CKMT1B: variants seen among roughly 807,000 people sequenced by gnomAD.
CKMT1B encodes the protein creatine kinase U-type, mitochondrial.
CKMT1B carries 13 observed loss-of-function variants against 21.8 expected under a neutral mutation model. The observed-to-expected ratio is 0.60, with a 90% CI of 0.39 to 0.95. The LOEUF is 0.95. Ranked by LOEUF, CKMT1B falls within the 40% of genes least tolerant of loss-of-function variation. The pLI, the probability that CKMT1B is intolerant of heterozygous loss-of-function variation, is 0.00. For missense variants in CKMT1B, 157 were observed against 227.5 expected (o/e 0.69, Z 1.99); for synonymous variants, 50 against 80.3 (o/e 0.62, Z 2.02).
At position 43,596,637 on chromosome 15, in the gene CKMT1B, T is replaced by C. The variant is rs979204293; in HGVS notation, c.876+106T>C. 8.3e-6 allele frequency: 13 copies of C among 1,559,826 alleles called. 1 individual carries two copies. Among genetic ancestry groups the C allele is most frequent in the African/African-American group, 5.7e-5 (4 of 69,702 alleles). ...ACCAACCAACCCAGGACATGTCTTA[T>C]AGTAAAAAGGACTATCTAGGACTCA... On this transcript the variant is annotated intron_variant, in intron 6 of 8. Transcript: ENST00000441322.
chr15:43,597,818 G>C (rs986698200), intron 6 of CKMT1B: 1 of 1,120,372 alleles, frequency 8.9e-7, no homozygotes, highest in Non-Finnish European at 1.1e-6. Flanking sequence ...ACCCTTCTAA[G>C]CTCTAGGCTC....
At chr15:43,597,489 T>C (rs920913977) in intron 6 of CKMT1B, 4 of 1,265,474 alleles carry the variant, frequency 3.2e-6, no homozygotes, top group Admixed American at 4.9e-5. Context: ...TTTCCCCCCA[T>C]GTTCAGCATG....
chr15:43,597,535 A>G lies in CKMT1B; in HGVS notation c.877-658A>G, dbSNP rs763906396. ...CCTATGGCATGGTTCCTTCTGAACT[A>G]TAAAGAGGATCCCTTTACTCATGTT... On this transcript the variant is annotated intron_variant, in intron 6 of 8. Coordinates refer to ENST00000441322, the MANE Select transcript of CKMT1B (RefSeq NM_001375484.1). The G allele has an allele frequency of 1.5e-5, 18 of 1,171,880 alleles. 1 individual carries two copies. In the East Asian group the frequency reaches 9.7e-4, roughly 63 times the overall value. The allele number at this position is 1,171,880 out of a possible 1,614,324, so 72.6% of individuals were successfully genotyped here. A position where few individuals can be genotyped will look rare whatever the true frequency, so the allele number is the denominator to read the frequency against.
intron 6 of CKMT1B, among the ~76,000 whole-genome samples, chr15:43,596,792 C>G (rs1304980793): frequency 6.7e-6 from 1 of 149,618 alleles, no homozygotes; most frequent in Non-Finnish European, 1.5e-5. Flanking sequence ...ACAGAGAGTG[C>G]AAAGAAGGAA....
At chr15:43,597,624 C>A in intron 6 of CKMT1B, 2 of 896,476 alleles carry the variant, frequency 2.2e-6, no homozygotes, top group Non-Finnish European at 1.4e-6. Flanking sequence ...TAATAGTCAT[C>A]TTCATGACTA....
chr15:43,598,035 C>G, intron 6 of CKMT1B, 158 bp from the exon 7 acceptor site: 3 of 1,441,922 alleles, frequency 2.1e-6, no homozygotes, highest in Non-Finnish European at 2.8e-6. Flanking sequence ...AAAACAATAA[C>G]AAACCTTTTT....
At position 43,596,461 on chromosome 15, in the gene CKMT1B, G is replaced by T; in HGVS notation, c.806G>T (p.Arg269Leu). 6.3e-7 allele frequency: 1 copy of T among 1,597,080 alleles called. No homozygotes were observed. The highest frequency in any genetic ancestry group is 8.5e-7 in the Non-Finnish European group (1 of 1,173,670). Residue 269 changes from arginine to leucine, a missense_variant, in exon 6 of 9, where the codon CGG becomes CTG. By Grantham distance (102) the Arg-to-Leu change is moderately radical. Coordinates refer to ENST00000441322, the MANE Select transcript of CKMT1B (RefSeq NM_001375484.1). ...LIWVNEEDHT[R>L]VISMEKGGNM... is the part of the protein sequence containing the mutation. Reference sequence around the variant, plus strand: ...TGGGTGAATGAGGAGGATCATACACGGGTGATCTCCATGGAGAAGGGTGGT... The same window carrying T: ...TGGGTGAATGAGGAGGATCATACACTGGTGATCTCCATGGAGAAGGGTGGT...
At chr15:43,596,786 A>G (rs1595951935) in intron 6 of CKMT1B, among the ~76,000 whole-genome samples, 1 of 149,818 alleles carries the variant, frequency 6.7e-6, no homozygotes, top group African/African-American at 2.5e-5. Flanking sequence ...CTGTTGACAG[A>G]GAGTGCAAAG....
At chr15:43,598,094 T>C (rs1254431069) in intron 6 of CKMT1B, 99 bp from the exon 7 acceptor site, 2 of 1,546,184 alleles carry the variant, frequency 1.3e-6, no homozygotes, top group African/African-American at 1.4e-5. Flanking sequence ...GTTTCTGTTC[T>C]AGACATATTT....
chr15:43,596,588 T>G (rs1391670757), intron 6 of CKMT1B, 57 bp downstream of exon 6: 3 of 1,604,850 alleles, frequency 1.9e-6, no homozygotes, highest in Non-Finnish European at 2.5e-6. Context: ...AACCAAAGAG[T>G]AGCATAAATA....
chr15:43,596,624 A>C (rs968688131), intron 6 of CKMT1B, 93 bp downstream of exon 6: 2 of 1,584,680 alleles, frequency 1.3e-6, no homozygotes, highest in African/African-American at 1.4e-5. Flanking sequence ...CAACCAACCC[A>C]GGACATGTCT....
chr15:43,598,797 C>G (rs2085626440), intron 7 of CKMT1B, 30 bp from the exon 8 acceptor site: 1 of 1,590,222 alleles, frequency 6.3e-7, no homozygotes, highest in Non-Finnish European at 8.5e-7. Flanking sequence ...CCTCTATTGA[C>G]CCTGCTCCCA....
At position 43,598,178 on chromosome 15, in the gene CKMT1B, C is replaced by A. The variant is rs1192228643; in HGVS notation, c.877-15C>A. 5 of 1,608,686 alleles carry A rather than the reference C, an allele frequency of 3.1e-6. 1 individual carries two copies. Among genetic ancestry groups the A allele is most frequent in the Non-Finnish European group, 3.4e-6 (4 of 1,179,686 alleles). ...TATCCCTGATTTTTCGTTAACAAAACCTTTGTGGACTCAGGTGGAGAGACT... is the reference window on the plus strand; with the variant it reads ...TATCCCTGATTTTTCGTTAACAAAAACTTTGTGGACTCAGGTGGAGAGACT... On this transcript the variant is annotated splice_polypyrimidine_tract_variant and intron_variant, in intron 6 of 8. Coordinates refer to ENST00000441322, the MANE Select transcript of CKMT1B (RefSeq NM_001375484.1).
At position 43,598,812 on chromosome 15, in the gene CKMT1B, C is replaced by A; in HGVS notation, c.1012-15C>A. 1 of 1,599,920 alleles carries A rather than the reference C, an allele frequency of 6.3e-7. No individual in the cohort carries two copies. ...CCTCTATTGACCCTGCTCCCAATCC[C>A]TATCTCCTCTCTAGGATAGCCGCTT... On this transcript the variant is annotated splice_polypyrimidine_tract_variant and intron_variant, in intron 7 of 8. Transcript: ENST00000441322.
chr15:43,598,956 A>T lies in CKMT1B; in HGVS notation c.1137+4A>T. The T allele has an allele frequency of 6.2e-7, 1 of 1,611,148 alleles. No individual in the cohort carries two copies. On this transcript the variant is annotated splice_donor_region_variant and intron_variant, in intron 8 of 8. Transcript: ENST00000441322. ...GGACCGACTAGGCAAATCAGAGGTG[A>T]GATCCTAAGGGATTAGGACAAGGAG... is the stretch of plus-strand genomic sequence containing the variant.
chr15:43,597,566 G>A, intron 6 of CKMT1B: 4 of 1,053,980 alleles, frequency 3.8e-6, no homozygotes, highest in Non-Finnish European at 4.9e-6. Flanking sequence ...ATGTTGGGTT[G>A]TGGTCTTTGT....
At chr15:43,598,066 T>C (rs1476364252) in intron 6 of CKMT1B, 127 bp from the exon 7 acceptor site, 1 of 1,478,282 alleles carries the variant, frequency 6.8e-7, no homozygotes, top group African/African-American at 1.5e-5. Context: ...AAGACCAATG[T>C]CATTCATTCA....
At chr15:43,598,125 G>C in intron 6 of CKMT1B, 68 bp from the exon 7 acceptor site, 1 of 1,599,626 alleles carries the variant, frequency 6.3e-7, no homozygotes, top group Non-Finnish European at 8.5e-7. Context: ...TGTGGGTCTA[G>C]CTAAGGGAGG....
rs776417653 is a variant in CKMT1B at position 43,598,888 on chromosome 15, T to G, written c.1073T>G (p.Val358Gly). The change falls in exon 8 of 9, where the codon GTG becomes GGG. Residue 358 changes from valine (V) to glycine (G), a missense_variant. Coordinates refer to ENST00000441322, the MANE Select transcript of CKMT1B (RefSeq NM_001375484.1). ...LRLQKRGTGG[V>G]DTAATGGVFD... Reference sequence around the variant, plus strand: ...CTCCAAAAACGTGGTACTGGAGGAGTGGACACTGCTGCTACAGGCGGTGTC... The same window carrying G: ...CTCCAAAAACGTGGTACTGGAGGAGGGGACACTGCTGCTACAGGCGGTGTC... The G allele has an allele frequency of 1.9e-6, 3 of 1,608,376 alleles. No individual in the cohort carries two copies. Among genetic ancestry groups the G allele is most frequent in the Non-Finnish European group, 2.5e-6 (3 of 1,179,464 alleles).
Sources: allele counts gnomAD v4.1 joint callset (sites outside exome capture counted in the v4.1 genomes callset), GRCh38; gene constraint gnomAD v4.1.1; transcripts MANE v1.5; gene names NCBI Gene and HGNC (gene_info 2026-07-23, HGNC 2026-07-21).